Variants in MAST4 observed in about 807,000 individuals in gnomAD.
The protein encoded by MAST4 is microtubule-associated serine/threonine-protein kinase 4.
MAST4 carries 89 observed loss-of-function variants against 162.7 expected under a neutral mutation model. The observed-to-expected ratio is 0.55, with a 90% CI of 0.46 to 0.65. The LOEUF (loss-of-function observed/expected upper bound fraction) is 0.65, where lower values mean the gene tolerates loss of function less well. Ranked by LOEUF, MAST4 falls within the 30% of genes least tolerant of loss-of-function variation. The probability of loss-of-function intolerance (pLI) is 0.00; values close to 1 mark genes in which losing one functional copy is unlikely to be tolerated. For missense variants in MAST4, 3,153 were observed against 3,374.0 expected, an observed-to-expected ratio of 0.93 and a Z score of 1.62; for synonymous variants, 1,479 against 1,361.1, an observed-to-expected ratio of 1.09 and a Z score of -1.91.
intron 4 of MAST4, among the ~76,000 whole-genome samples, chr5:66,994,401 A>G (rs1038028745): frequency 1.3e-5 from 2 of 151,914 alleles, no homozygotes; most frequent in African/African-American, 2.4e-5. Flanking sequence ...TCCTTCGTAT[A>G]TTAGCATTCT....
At chr5:66,672,983 A>C (rs566011273) in intron 1 of MAST4, among the ~76,000 whole-genome samples, 1 of 152,140 alleles carries the variant, frequency 6.6e-6, no homozygotes, top group South Asian at 2.1e-4. Context: ...ATATCTGCTG[A>C]TCTGATTGGT....
chr5:66,659,153 G>C (rs966144910), intron 1 of MAST4, among the ~76,000 whole-genome samples: 1 of 152,196 alleles, frequency 6.6e-6, no homozygotes, highest in South Asian at 2.1e-4. Context: ...GTGGGAAGGG[G>C]TGGGTCCCTG....
intron 1 of MAST4, among the ~76,000 whole-genome samples, chr5:66,732,473 C>G (rs1751913079): frequency 6.6e-6 from 1 of 152,202 alleles, no homozygotes; most frequent in Non-Finnish European, 1.5e-5. Flanking sequence ...CTCGCTGCAT[C>G]TTGTGTGTTC....
chr5:66,994,208 G>A (rs1391515051), intron 4 of MAST4, among the ~76,000 whole-genome samples: 1 of 152,106 alleles, frequency 6.6e-6, no homozygotes, highest in East Asian at 1.9e-4. Context: ...CAAGTGAGGA[G>A]AAGACATGAA....
chr5:67,111,001 GTGAC>G (rs1346175311), intron 11 of MAST4, among the ~76,000 whole-genome samples: 1 of 152,122 alleles, frequency 6.6e-6, no homozygotes, highest in African/African-American at 2.4e-5. Context: ...TCCAGCCTGA[GTGAC>G]AGAATGAGAT....
intron 5 of MAST4, among the ~76,000 whole-genome samples, chr5:67,069,710 C>A (rs2150654087): frequency 6.6e-6 from 1 of 152,222 alleles, no homozygotes; most frequent in African/African-American, 2.4e-5. Context: ...CCTTGTTTAT[C>A]TGGAGAAGCA....
chr5:67,147,017 T>C (rs1771178130), intron 23 of MAST4, among the ~76,000 whole-genome samples: 1 of 151,976 alleles, frequency 6.6e-6, no homozygotes, highest in Non-Finnish European at 1.5e-5. Context: ...TATCTCTTAG[T>C]CTCCTCAGCC....
intron 1 of MAST4, among the ~76,000 whole-genome samples, chr5:66,699,900 A>G (rs1749655235): frequency 6.6e-6 from 1 of 152,078 alleles, no homozygotes. Flanking sequence ...CATATTCTGC[A>G]CATATATCCC....
intron 3 of MAST4, among the ~76,000 whole-genome samples, chr5:66,833,737 T>A (rs1332404634): frequency 1.3e-5 from 2 of 152,244 alleles, no homozygotes; most frequent in Admixed American, 6.5e-5. Context: ...CTGAACTTGC[T>A]AATAGTCATG....
At chr5:66,654,146 C>T (rs191430378) in intron 1 of MAST4, among the ~76,000 whole-genome samples, 27 of 152,158 alleles carry the variant, frequency 1.8e-4, no homozygotes, top group African/African-American at 5.5e-4. Flanking sequence ...TGGTGTGCTG[C>T]GATAAAGAAT....
chr5:66,866,074 C>CA (rs57347322), intron 3 of MAST4, among the ~76,000 whole-genome samples: 54,480 of 115,598 alleles, frequency 0.47, 13,466 homozygotes, highest in Non-Finnish European at 0.53. Flanking sequence ...ATCTCCATCT[C>CA]AAAAAAAAAA....
At chr5:66,610,955 A>G (rs1201096069) in intron 1 of MAST4, among the ~76,000 whole-genome samples, 1 of 152,254 alleles carries the variant, frequency 6.6e-6, no homozygotes. Context: ...TTTTCAGCTC[A>G]TTTCTAACAG....
intron 4 of MAST4, among the ~76,000 whole-genome samples, chr5:66,912,405 G>GT: frequency 6.6e-6 from 1 of 152,292 alleles, no homozygotes; most frequent in African/African-American, 2.4e-5. Flanking sequence ...TAAGCAGAAG[G>GT]TTTTTCTTAT....
chr5:66,823,889 G>C (rs1286486621), intron 3 of MAST4, among the ~76,000 whole-genome samples: 1 of 152,170 alleles, frequency 6.6e-6, no homozygotes. Flanking sequence ...TCTCACAGCT[G>C]TGTTGCTCTT....
intron 3 of MAST4, among the ~76,000 whole-genome samples, chr5:66,851,282 CTATT>C (rs1759295921): frequency 6.6e-6 from 1 of 152,116 alleles, no homozygotes; most frequent in African/African-American, 2.4e-5. Context: ...TTGTATCTAT[CTATT>C]CAAAGCCTCA....
At chr5:66,916,430 T>G (rs1480012722) in intron 4 of MAST4, among the ~76,000 whole-genome samples, 2 of 152,376 alleles carry the variant, frequency 1.3e-5, no homozygotes, top group Non-Finnish European at 2.9e-5. Flanking sequence ...TTACTGAAGA[T>G]GAATGTATAG....
Position 67,165,865 on chromosome 5 carries a change from C to T in MAST4, c.6686C>T (p.Thr2229Ile), listed in dbSNP as rs1399797808. ...VGATKGKEPA[T>I]QSLGGSSREG... is the part of the protein sequence containing the mutation. ...GCCACAAAGGGCAAAGAGCCTGCCA[C>T]TCAGTCCCTCGGTGGCTCTAGCAGA... The change falls in exon 29 of 29, where the codon ACT becomes ATT. Residue 2229 changes from threonine (T) to isoleucine (I), a missense_variant. Coordinates refer to ENST00000403625, the MANE Select transcript of MAST4 (RefSeq NM_001164664.2). 6.2e-7 allele frequency: 1 copy of T among 1,613,348 alleles called. No individual in the cohort carries two copies. The highest frequency in any genetic ancestry group is 2.2e-5 in the East Asian group (1 of 44,882).
intron 1 of MAST4, among the ~76,000 whole-genome samples, chr5:66,720,876 A>C (rs1417090402): frequency 6.6e-6 from 1 of 152,084 alleles, no homozygotes. Context: ...CTTTTAGCCG[A>C]TGACCTTGAT....
At chr5:66,990,799 A>G (rs1749991886) in intron 4 of MAST4, among the ~76,000 whole-genome samples, 1 of 152,160 alleles carries the variant, frequency 6.6e-6, no homozygotes, top group African/African-American at 2.4e-5. Context: ...AGGTGTAAAT[A>G]TGTTCTAGAG....
Sources: allele counts gnomAD v4.1 joint callset (sites outside exome capture counted in the v4.1 genomes callset), GRCh38; gene constraint gnomAD v4.1.1; transcripts MANE v1.5; gene names NCBI Gene and HGNC (gene_info 2026-07-23, HGNC 2026-07-21).